The following UTP15 variants were observed in gnomAD, a reference collection of about 807,000 sequenced individuals.
The protein encoded by UTP15 is UTP15 small subunit processome component, also known as U3 small nucleolar RNA-associated protein 15 homolog.
UTP15 carries 5 observed loss-of-function variants against 59.1 expected under a neutral mutation model. The observed-to-expected ratio is 0.08, with a 90% CI of 0.04 to 0.18. The LOEUF (loss-of-function observed/expected upper bound fraction) is 0.18. Among genes scored for constraint, UTP15 ranks in the 10% least tolerant of loss-of-function variants. UTP15 has a pLI of 1.00. For synonymous variants in UTP15, 211 were observed against 212.2 expected, an observed-to-expected ratio of 0.99 and a Z score of 0.05; for missense variants, 494 against 616.7, an observed-to-expected ratio of 0.80 and a Z score of 2.11.
At chr5:73,573,222 A>G (rs111354892) in intron 7 of UTP15, among the ~76,000 whole-genome samples, 8,777 of 151,038 alleles carry the variant, frequency 0.058, 903 homozygotes, top group African/African-American at 0.2. Context: ...TTTTAAAATC[A>G]TTATTGTACA....
At chr5:73,567,738 T>C (rs1409718518) in intron 2 of UTP15, 1 of 205,302 alleles carries the variant, frequency 4.9e-6, no homozygotes, top group African/African-American at 2.3e-5. Context: ...GTATTGCTTG[T>C]AATAGTAGAA....
At chr5:73,571,039 G>A (rs1217590490) in intron 6 of UTP15, among the ~76,000 whole-genome samples, 2 of 152,090 alleles carry the variant, frequency 1.3e-5, no homozygotes, top group South Asian at 2.1e-4. Flanking sequence ...CACAGAACTC[G>A]AGAGCTCTGT....
At chr5:73,570,089 C>T (rs1410565436) in intron 5 of UTP15, among the ~76,000 whole-genome samples, 1 of 152,224 alleles carries the variant, frequency 6.6e-6, no homozygotes, top group Non-Finnish European at 1.5e-5. Context: ...ACCTCAATTT[C>T]CTCCCGGAGG....
chr5:73,567,407 A>G lies in UTP15; in HGVS notation c.63A>G (p.Gln21=). 1 of 1,609,802 alleles carries G rather than the reference A, an allele frequency of 6.2e-7. No individual in the cohort carries two copies. Among genetic ancestry groups the G allele is most frequent in the Non-Finnish European group, 8.5e-7 (1 of 1,177,824 alleles). ...CTATACTTGGTGAAAAAATCACCCAAGATACACTGTACTGGAACAACTATA... is the reference window on the plus strand; with the variant it reads ...CTATACTTGGTGAAAAAATCACCCAGGATACACTGTACTGGAACAACTATA... The part of the protein sequence containing the change: ...TYPILGEKIT[Q]DTLYWNNYKT... The change falls in exon 2 of 13, where the codon CAA becomes CAG. Residue 21 remains glutamine (Q), a synonymous_variant. Coordinates refer to ENST00000296792, the MANE Select transcript of UTP15 (RefSeq NM_032175.4).
In UTP15 at chr5:73,570,702, G is replaced by C; in HGVS notation, c.664G>C (p.Val222Leu). The change falls in exon 6 of 13, where the codon GTG becomes CTG. Residue 222 changes from valine to leucine, a missense_variant. Transcript: ENST00000296792. ...VLLFPSGGLL[V>L]SAGGRYVKVW... ...ACTTTTCCCCTCTGGAGGTCTTCTG[G>C]TGTCAGCAGGTACTTCTTAAAAATA... 1 of 1,613,782 alleles carries C rather than the reference G, an allele frequency of 6.2e-7. No homozygotes were observed.
At chr5:73,576,340 A>T (rs754380858) in intron 7 of UTP15, among the ~76,000 whole-genome samples, 2 of 151,760 alleles carry the variant, frequency 1.3e-5, no homozygotes, top group Non-Finnish European at 2.9e-5. Flanking sequence ...TCCTGGCCTC[A>T]AGTGATCTGC....
rs867904394 is a variant in UTP15 at position 73,566,571 on chromosome 5, T to C, written c.-84+659T>C. On this transcript the variant is annotated intron_variant, in intron 1 of 12. Coordinates refer to ENST00000296792, the MANE Select transcript of UTP15 (RefSeq NM_032175.4). ...TGTAAAGTTTTCAGGCTTTTTGGAATAGATGATGAGCAGCACCTCTGGAAT... is the reference window on the plus strand; with the variant it reads ...TGTAAAGTTTTCAGGCTTTTTGGAACAGATGATGAGCAGCACCTCTGGAAT... Among the ~76,000 whole-genome samples the C allele has an allele frequency of 5.9e-5, 9 of 152,366 alleles. No individual in the cohort carries two copies. The Middle Eastern group carries it at 0.014, about 230-fold the overall frequency.
chr5:73,573,180 A>G (rs895628501), intron 7 of UTP15, among the ~76,000 whole-genome samples: 1 of 151,986 alleles, frequency 6.6e-6, no homozygotes, highest in Non-Finnish European at 1.5e-5. Flanking sequence ...TTGAATGATA[A>G]TCTTTCAAAT....
At chr5:73,570,532 C>T (rs1747902004) in intron 5 of UTP15, 54 bp from the exon 6 acceptor site, 1 of 1,568,224 alleles carries the variant, frequency 6.4e-7, no homozygotes, top group South Asian at 1.1e-5. Flanking sequence ...TGGATACACA[C>T]AGTTTTTGTT....
intron 5 of UTP15, 118 bp from the exon 6 acceptor site, chr5:73,570,468 T>TA: frequency 1.0e-6 from 1 of 996,392 alleles, no homozygotes; most frequent in Non-Finnish European, 1.5e-6. Context: ...TGAATATACA[T>TA]ATATGTCTTT....
chr5:73,582,939 G>A lies in UTP15; in HGVS notation c.*2845G>A, dbSNP rs1007413448. 2 of 152,168 alleles carry A rather than the reference G, an allele frequency of 1.3e-5. No homozygotes were observed. Among genetic ancestry groups the A allele is most frequent in the South Asian group, 4.1e-4 (2 of 4,832 alleles). 9.4% of individuals were successfully genotyped at this position (152,168 alleles called of 1,614,324 possible). ...AATTTATTATGTTTATGAGATTTAAGCACTTGGGAAGGTTTATGCTAATGG... is the reference window on the plus strand; with the variant it reads ...AATTTATTATGTTTATGAGATTTAAACACTTGGGAAGGTTTATGCTAATGG... On this transcript the variant is annotated 3_prime_UTR_variant, in exon 13 of 13. Transcript: ENST00000296792.
intron 7 of UTP15, 50 bp downstream of exon 7, chr5:73,572,674 C>T (rs746336914): frequency 7.2e-5 from 110 of 1,537,152 alleles, no homozygotes; most frequent in Non-Finnish European, 9.7e-5. Context: ...CACCTGTTTA[C>T]TGCTTGAGGA....
At chr5:73,570,848 A>C (rs1420508895) in intron 6 of UTP15, 137 bp downstream of exon 6, 4 of 1,225,444 alleles carry the variant, frequency 3.3e-6, no homozygotes, top group Non-Finnish European at 4.6e-6. Context: ...GATAGGTAGG[A>C]CTGGCAAGCA....
intron 8 of UTP15, 61 bp from the exon 9 acceptor site, chr5:73,577,795 G>T (rs1183621854): frequency 1.1e-5 from 16 of 1,429,462 alleles, no homozygotes; most frequent in Non-Finnish European, 1.5e-5. Context: ...GTGTTTTGAA[G>T]TAAAAGTACT....
intron 7 of UTP15, among the ~76,000 whole-genome samples, chr5:73,573,460 C>T (rs1748001339): frequency 6.6e-6 from 1 of 151,926 alleles, no homozygotes; most frequent in South Asian, 2.1e-4. Flanking sequence ...ATTGCCCAGA[C>T]TGGTCTCGAA....
At chr5:73,567,485 C>T (rs982475875) in intron 2 of UTP15, 51 bp downstream of exon 2, 1 of 1,350,928 alleles carries the variant, frequency 7.4e-7, no homozygotes, top group Non-Finnish European at 1.0e-6. Context: ...ATGCCAATTT[C>T]TCTAGCATAT....
intron 12 of UTP15, 71 bp downstream of exon 12, chr5:73,579,446 G>T: frequency 1.7e-6 from 2 of 1,205,862 alleles, no homozygotes; most frequent in South Asian, 1.4e-5. Context: ...ATCAAATTTG[G>T]AAATCAAGTA....
rs1747802692 is a variant in UTP15, at chr5:73,567,230, A to G, written c.-83-32A>G. On this transcript the variant is annotated intron_variant, in intron 1 of 12. Transcript: ENST00000296792. ...GAAAATCAACTATGTGTACAAGCTT[A>G]TAATATGTATATAAAATATTTTATT... 1.8e-5 allele frequency: 10 copies of G among 570,598 alleles called. No individual in the cohort carries two copies. In the South Asian group the frequency reaches 3.1e-4, roughly 18 times the overall value. 35.3% of individuals were successfully genotyped at this position (570,598 alleles called of 1,614,324 possible).
rs1292187418 is a variant in UTP15 at position 73,580,267 on chromosome 5, T to A, written c.*173T>A. ...ACAAGTACCCGTTTTAAGTAAGACATGGTTTTCCATGTAATATTTTGAATT... is the reference window on the plus strand; with the variant it reads ...ACAAGTACCCGTTTTAAGTAAGACAAGGTTTTCCATGTAATATTTTGAATT... On this transcript the variant is annotated 3_prime_UTR_variant, in exon 13 of 13. Coordinates refer to ENST00000296792, the MANE Select transcript of UTP15 (RefSeq NM_032175.4). The A allele has an allele frequency of 3.8e-5, 20 of 526,774 alleles. No individual in the cohort carries two copies. The highest frequency in any genetic ancestry group is 6.0e-5 in the Non-Finnish European group (18 of 301,284). 32.6% of individuals were successfully genotyped at this position (526,774 alleles called of 1,614,324 possible).
Sources: allele counts gnomAD v4.1 joint callset (sites outside exome capture counted in the v4.1 genomes callset), GRCh38; gene constraint gnomAD v4.1.1; transcripts MANE v1.5; gene names NCBI Gene and HGNC (gene_info 2026-07-23, HGNC 2026-07-21).